The following CHEK2 variants were observed in gnomAD, a reference collection of about 807,000 sequenced individuals.
CHEK2 encodes the protein checkpoint kinase 2.
CHEK2 carries 71 observed loss-of-function variants against 69.1 expected under a neutral mutation model. The ratio of observed to expected loss-of-function variants is 1.03; its 90% confidence interval spans 0.85 to 1.25. The LOEUF is 1.25. Ranked by LOEUF, CHEK2 falls within the 50% of genes most tolerant of loss-of-function variation. CHEK2 has a pLI of 0.00. For missense variants in CHEK2, 664 were observed against 649.6 expected (o/e 1.02, Z -0.24); for synonymous variants, 189 against 226.9 (o/e 0.83, Z 1.50).
chr22:28,713,394 C>T (rs2145964155), intron 5 of CHEK2, among the ~76,000 whole-genome samples: 1 of 149,808 alleles, frequency 6.7e-6, no homozygotes, highest in East Asian at 1.9e-4. Context: ...GAGTCTCGCT[C>T]AGTCGCCCAG....
chr22:28,725,094 AT>A lies in CHEK2; in HGVS notation c.474del (p.Tyr159ThrfsTer2). 6.2e-7 allele frequency: 1 copy of A among 1,614,110 alleles called. No individual in the cohort carries two copies. The highest frequency in any genetic ancestry group is 8.5e-7 in the Non-Finnish European group (1 of 1,180,000). On this transcript the variant is annotated frameshift_variant, in exon 4 of 15. Transcript: ENST00000404276. LOFTEE classifies it high-confidence loss of function. ...REVGPKNSYI[A>X]YIEDHSGNGT... ...CCATTGCCACTGTGATCTTCTATGT[AT>A]GCAATGTAAGAGTTTTTAGGACCCA...
At chr22:28,731,169 C>G (rs2054202892) in intron 2 of CHEK2, among the ~76,000 whole-genome samples, 1 of 151,916 alleles carries the variant, frequency 6.6e-6, no homozygotes, top group South Asian at 2.1e-4. Flanking sequence ...TGCCACTGCA[C>G]TCCAGCCTGG....
chr22:28,729,222 A>G, intron 2 of CHEK2: 1 of 236,324 alleles, frequency 4.2e-6, no homozygotes, highest in Non-Finnish European at 8.7e-6. Context: ...AGCAACACAT[A>G]AAAAAGATTA....
Position 28,711,957 on chromosome 22 carries a change from T to A in CHEK2, c.744A>T (p.Ile248=), listed in dbSNP as rs2145950476. The A allele has an allele frequency of 6.2e-7, 1 of 1,614,048 alleles. No homozygotes were observed. The highest frequency in any genetic ancestry group is 8.5e-7 in the Non-Finnish European group (1 of 1,179,974). ...CAAACTTCCTTTTGCTGATGATCTT[T>A]ATGGCTACTTTCTTACATGTTTTCC... ...FERKTCKKVA[I]KIISKRKFAI... The change falls in exon 6 of 15, where the codon ATA becomes ATT. Residue 248 remains isoleucine (I), a synonymous_variant. Coordinates refer to ENST00000404276, the MANE Select transcript of CHEK2 (RefSeq NM_007194.4).
chr22:28,736,205 T>C (rs1369651484), intron 1 of CHEK2, among the ~76,000 whole-genome samples: 1 of 152,188 alleles, frequency 6.6e-6, no homozygotes, highest in East Asian at 1.9e-4. Context: ...TATTTAGACA[T>C]AATGCCATTG....
In CHEK2 at chr22:28,695,174, C is replaced by T. The variant is rs2145794064; in HGVS notation, c.1328G>A (p.Gly443Glu). The T allele has an allele frequency of 6.2e-7, 1 of 1,613,544 alleles. No individual in the cohort carries two copies. Among genetic ancestry groups the T allele is most frequent in the Middle Eastern group, 1.7e-4 (1 of 6,054 alleles). The change falls in exon 12 of 15, where the codon GGA becomes GAA. Residue 443 changes from glycine to glutamate, a missense_variant. By Grantham distance (98) the Gly-to-Glu change is moderately conservative. Transcript: ENST00000404276. ...QVSLKDQITS[G>E]KYNFIPEVWA... ...GACTTCAGGAATGAAGTTGTATTTTCCACTGGTGATCTGATCCTTCAGTGA... is the reference window on the plus strand; with the variant it reads ...GACTTCAGGAATGAAGTTGTATTTTTCACTGGTGATCTGATCCTTCAGTGA...
chr22:28,741,731 C>T (rs945904266), intron 1 of CHEK2, 38 bp downstream of exon 1: 1 of 295,048 alleles, frequency 3.4e-6, no homozygotes, highest in Non-Finnish European at 6.5e-6. Flanking sequence ...GGGATTCGAA[C>T]CACCAAACAC....
chr22:28,722,259 C>T (rs956664119), intron 4 of CHEK2, among the ~76,000 whole-genome samples: 14 of 151,692 alleles, frequency 9.2e-5, no homozygotes, highest in African/African-American at 3.4e-4. Flanking sequence ...ACAAAATGGT[C>T]GCCGGGCGCG....
chr22:28,690,320 C>T lies in CHEK2; in HGVS notation c.1462-1105G>A, dbSNP rs570838196. Among the ~76,000 whole-genome samples, 32 of 151,582 alleles carry T rather than the reference C, an allele frequency of 2.1e-4. No homozygotes were observed. The East Asian group carries it at 5.9e-3, about 28-fold the overall frequency. Reference sequence around the variant, plus strand: ...CAGCCTGGGCAACATAGTGGGACTTCGTCACTACAAAAAAAATTAAAAATT... The same window carrying T: ...CAGCCTGGGCAACATAGTGGGACTTTGTCACTACAAAAAAAATTAAAAATT... On this transcript the variant is annotated intron_variant, in intron 13 of 14. Coordinates refer to ENST00000404276, the MANE Select transcript of CHEK2 (RefSeq NM_007194.4).
chr22:28,735,977 G>A (rs914959911), intron 1 of CHEK2, among the ~76,000 whole-genome samples: 2 of 152,158 alleles, frequency 1.3e-5, no homozygotes, highest in Non-Finnish European at 2.9e-5. Flanking sequence ...ATTTCGGGTG[G>A]TGGAGGTAGG....
intron 2 of CHEK2, among the ~76,000 whole-genome samples, chr22:28,730,735 G>A (rs1053402495): frequency 6.6e-6 from 1 of 151,708 alleles, no homozygotes; most frequent in African/African-American, 2.4e-5. Flanking sequence ...GCATAAGCAT[G>A]TAATCCCAGC....
chr22:28,697,404 T>A (rs2052635494), intron 9 of CHEK2, among the ~76,000 whole-genome samples: 1 of 152,216 alleles, frequency 6.6e-6, no homozygotes, highest in Admixed American at 6.5e-5. Context: ...TATACAAATA[T>A]ATATTTGTAA....
intron 8 of CHEK2, 129 bp from the exon 9 acceptor site, chr22:28,700,066 T>C: frequency 1.5e-6 from 1 of 678,614 alleles, no homozygotes; most frequent in Non-Finnish European, 2.6e-6. Context: ...CTTTTGACTC[T>C]CATTTTTAAA....
intron 6 of CHEK2, 118 bp from the exon 7 acceptor site, chr22:28,710,177 T>C (rs2145936267): frequency 1.5e-6 from 1 of 655,892 alleles, no homozygotes; most frequent in Non-Finnish European, 2.7e-6. Flanking sequence ...CAGCTCTACT[T>C]ATACAAAGAA....
chr22:28,739,129 G>A (rs2146188096), intron 1 of CHEK2, among the ~76,000 whole-genome samples: 1 of 152,120 alleles, frequency 6.6e-6, no homozygotes, highest in Admixed American at 6.6e-5. Context: ...AATTAGCTGG[G>A]CATGGTGGCC....
At chr22:28,688,076 G>GTGGGGGCA in intron 14 of CHEK2, 90 bp from the exon 15 acceptor site, 1 of 1,030,792 alleles carries the variant, frequency 9.7e-7, no homozygotes, top group Non-Finnish European at 1.4e-6. Flanking sequence ...TTCCAGTAAA[G>GTGGGGGCA]TGGGGGCATT....
At chr22:28,711,836 T>G (rs1474479031) in intron 6 of CHEK2, 73 bp downstream of exon 6, 2 of 1,043,682 alleles carry the variant, frequency 1.9e-6, no homozygotes, top group Non-Finnish European at 3.0e-6. Flanking sequence ...TTAAAAATCA[T>G]CAATCTAAGA....
chr22:28,703,360 CT>C (rs1435403037), intron 8 of CHEK2, 144 bp downstream of exon 8: 7 of 623,332 alleles, frequency 1.1e-5, no homozygotes, highest in Admixed American at 2.7e-5. Flanking sequence ...TATTAACCCC[CT>C]ATACACAGAC....
intron 5 of CHEK2, among the ~76,000 whole-genome samples, chr22:28,716,199 C>T (rs1248636967): frequency 7.3e-6 from 1 of 136,166 alleles, no homozygotes. Context: ...TCTTTTTTCT[C>T]TTTTTTTTTT....
Sources: gnomAD v4.1 joint callset for allele counts (sites outside exome capture counted in the v4.1 genomes callset) on GRCh38, gnomAD v4.1.1 for gene constraint, MANE v1.5 for transcripts, NCBI Gene and HGNC (gene_info 2026-07-23, HGNC 2026-07-21) for gene names.